The following WDR46 variants were observed in gnomAD, a reference collection of about 807,000 sequenced individuals.
WDR46 encodes the protein WD repeat-containing protein 46.
A neutral mutation model predicts 74.7 loss-of-function variants in WDR46; 58 were observed. The observed-to-expected ratio is 0.78, with a 90% confidence interval of 0.63 to 0.97. The LOEUF (loss-of-function observed/expected upper bound fraction) is 0.97. WDR46 is among the 50% of genes least tolerant of loss of function. The pLI, the probability that WDR46 is intolerant of heterozygous loss-of-function variation, is 0.00. For missense variants in WDR46, 702 were observed against 790.1 expected, an observed-to-expected ratio of 0.89 and a Z score of 1.34; for synonymous variants, 278 against 297.3, an observed-to-expected ratio of 0.93 and a Z score of 0.67.
In WDR46 at chr6:33,288,650, C is replaced by T. The variant is rs1422343983; in HGVS notation, c.324G>A (p.Val108=). 1.2e-6 allele frequency: 2 copies of T among 1,613,142 alleles called. No individual in the cohort carries two copies. The highest frequency in any genetic ancestry group is 1.7e-6 in the Non-Finnish European group (2 of 1,179,682). Residue 108 remains valine (V), a synonymous_variant, in exon 3 of 15, where the codon GTG becomes GTA. Coordinates refer to ENST00000374617, the MANE Select transcript of WDR46 (RefSeq NM_005452.6). ...FPGPAPVPVE[V]VQKFCRIDKS... is the part of the protein sequence containing the mutation. The stretch of plus-strand genomic sequence containing the variant: ...TGTCAATGCGACAGAACTTCTGGAC[C>T]ACTTCCACAGGGACGGGGGCGGGGC...
At position 33,287,970 on chromosome 6, in the gene WDR46, A is replaced by G; in HGVS notation, c.618T>C (p.Thr206=). The G allele has an allele frequency of 1.2e-6, 2 of 1,614,194 alleles. No homozygotes were observed. Among genetic ancestry groups the G allele is most frequent in the Non-Finnish European group, 1.7e-6 (2 of 1,180,036 alleles). Reference sequence around the variant, plus strand: ...TCACTAGAATTCAACCTTACCTTCCAGTTCGAGAGTAGTTTAGTCTGTAGG... The same window carrying G: ...TCACTAGAATTCAACCTTACCTTCCGGTTCGAGAGTAGTTTAGTCTGTAGG... ...FGPYRLNYSR[T]GRHLAFGGRR... The change falls in exon 6 of 15, where the codon ACT becomes ACC. Residue 206 remains threonine, a synonymous_variant. Coordinates refer to ENST00000374617, the MANE Select transcript of WDR46 (RefSeq NM_005452.6).
chr6:33,282,586 TAAGA>T (rs935668332), intron 10 of WDR46, among the ~76,000 whole-genome samples: 10 of 152,100 alleles, frequency 6.6e-5, no homozygotes, highest in African/African-American at 9.7e-5. Flanking sequence ...GAACACCTCT[TAAGA>T]AAGATGGTCA....
At chr6:33,289,050 C>T (rs769604633) in intron 1 of WDR46, 37 bp from the exon 2 acceptor site, 2 of 1,611,046 alleles carry the variant, frequency 1.2e-6, no homozygotes, top group Non-Finnish European at 1.7e-6. Flanking sequence ...TCACGCCCCG[C>T]CCCCCGACCC....
intron 10 of WDR46, among the ~76,000 whole-genome samples, chr6:33,283,150 A>T (rs994952346): frequency 6.6e-6 from 1 of 151,956 alleles, no homozygotes; most frequent in Non-Finnish European, 1.5e-5. Flanking sequence ...TGGAGGTTGC[A>T]GTGAGCCGAG....
chr6:33,288,306 A>G (rs1766884398), intron 4 of WDR46, 52 bp downstream of exon 4: 3 of 1,613,556 alleles, frequency 1.9e-6, no homozygotes, highest in Admixed American at 3.3e-5. Context: ...AAAAACGAGA[A>G]AAGACAGTCC....
Position 33,280,899 on chromosome 6 carries a change from G to A in WDR46, c.1204C>T (p.His402Tyr). The change falls in exon 11 of 15, where the codon CAT becomes TAT. Residue 402 changes from histidine (H) to tyrosine (Y), a missense_variant. Coordinates refer to ENST00000374617, the MANE Select transcript of WDR46 (RefSeq NM_005452.6). ...YQPLSTRTLP[H>Y]GAGHLAFSQR... ...GAGAAGGCCAGGTGCCCTGCTCCAT[G>A]GGGCAGGGTCCGAGTGCTCAGAGGC... is the stretch of plus-strand genomic sequence containing the variant. The A allele has an allele frequency of 1.2e-6, 2 of 1,614,210 alleles. No individual in the cohort carries two copies. The highest frequency in any genetic ancestry group is 1.7e-6 in the Non-Finnish European group (2 of 1,180,048).
At chr6:33,284,215 A>C (rs1766426492) in intron 10 of WDR46, 1 of 152,054 alleles carries the variant, frequency 6.6e-6, no homozygotes, top group Non-Finnish European at 1.5e-5. Context: ...GTGCCACTGC[A>C]CTCCAGCCTG....
intron 10 of WDR46, among the ~76,000 whole-genome samples, chr6:33,285,408 A>T (rs780544646): frequency 4.6e-5 from 7 of 151,672 alleles, no homozygotes; most frequent in African/African-American, 1.5e-4. Context: ...TTGCCATGTC[A>T]TGGGTGACAT....
intron 11 of WDR46, 29 bp downstream of exon 11, chr6:33,280,645 C>A (rs1405854154): frequency 1.9e-6 from 3 of 1,588,494 alleles, no homozygotes; most frequent in Non-Finnish European, 1.7e-6. Context: ...AGTTCATTCA[C>A]TTCAAGCCCC....
chr6:33,289,161 C>T lies in WDR46; in HGVS notation c.10G>A (p.Ala4Thr). 1.2e-6 allele frequency: 2 copies of T among 1,611,858 alleles called. No individual in the cohort carries two copies. Among genetic ancestry groups the T allele is most frequent in the African/African-American group, 1.3e-5 (1 of 74,860 alleles). MET[A>T]PKPGKDVPPK... ...GGGACATCCTTGCCCGGCTTGGGGG[C>T]TGTCTCCATCTCGCCCACCCGAACG... The change falls in exon 1 of 15, where the codon GCC becomes ACC. Residue 4 changes from alanine to threonine, a missense_variant. Physicochemically the swap from Ala to Thr is moderately conservative, Grantham distance 58. Transcript: ENST00000374617.
At chr6:33,287,586 A>G (rs1262500095) in intron 7 of WDR46, 28 bp downstream of exon 7, 1 of 1,613,436 alleles carries the variant, frequency 6.2e-7, no homozygotes, top group Non-Finnish European at 8.5e-7. Context: ...TCTCACCCCA[A>G]CTGACCGCTG....
chr6:33,286,674 G>A, intron 10 of WDR46, 121 bp downstream of exon 10: 1 of 914,144 alleles, frequency 1.1e-6, no homozygotes. Context: ...CCCATCCGTG[G>A]TAACACTGCG....
At chr6:33,281,841 CTTTT>C in intron 10 of WDR46, among the ~76,000 whole-genome samples, 1 of 68,680 alleles carries the variant, frequency 1.5e-5, no homozygotes, top group Non-Finnish European at 3.5e-5. Context: ...GTTGGAGTTC[CTTTT>C]CTTTTTTTGA....
At chr6:33,282,784 A>G (rs1415150297) in intron 10 of WDR46, among the ~76,000 whole-genome samples, 1 of 152,252 alleles carries the variant, frequency 6.6e-6, no homozygotes, top group East Asian at 1.9e-4. Context: ...TAGCCCACGG[A>G]GGGCAAGCTA....
At chr6:33,287,555 C>G in intron 7 of WDR46, 50 bp from the exon 8 acceptor site, 1 of 1,613,798 alleles carries the variant, frequency 6.2e-7, no homozygotes, top group Non-Finnish European at 8.5e-7. Context: ...CACAGGCTAT[C>G]ATTCAATCAG....
Position 33,279,479 on chromosome 6 carries a change from A to G in WDR46, c.1734+18T>C, listed in dbSNP as rs369542187. 6.2e-7 allele frequency: 1 copy of G among 1,611,664 alleles called. No homozygotes were observed. The highest frequency in any genetic ancestry group is 2.2e-5 in the East Asian group (1 of 44,876). On this transcript the variant is annotated intron_variant, in intron 14 of 14. Coordinates refer to ENST00000374617, the MANE Select transcript of WDR46 (RefSeq NM_005452.6). ...GTGCAGCCTGTGGAAGGCCCGGCCC[A>G]TGCCAATGCTCATTTACCCTGTGTT... is the stretch of plus-strand genomic sequence containing the variant.
chr6:33,285,107 T>G (rs1342580035), intron 10 of WDR46, among the ~76,000 whole-genome samples: 1 of 152,246 alleles, frequency 6.6e-6, no homozygotes, highest in African/African-American at 2.4e-5. Context: ...TCTGGAACAC[T>G]AACTTTGTAC....
intron 10 of WDR46, among the ~76,000 whole-genome samples, chr6:33,285,648 C>G (rs956476867): frequency 6.3e-4 from 96 of 151,630 alleles, no homozygotes; most frequent in African/African-American, 2.0e-3. Flanking sequence ...CTCAGCCTCC[C>G]AAGTTGCCGG....
chr6:33,287,829 G>C (rs1766812928), intron 6 of WDR46, 111 bp from the exon 7 acceptor site: 6 of 1,498,600 alleles, frequency 4.0e-6, no homozygotes, highest in Non-Finnish European at 4.6e-6. Context: ...GACACATGTT[G>C]CTGTAGGTGC....
Sources: gnomAD v4.1 joint callset for allele counts (sites outside exome capture counted in the v4.1 genomes callset) on GRCh38, gnomAD v4.1.1 for gene constraint, MANE v1.5 for transcripts, NCBI Gene and HGNC (gene_info 2026-07-23, HGNC 2026-07-21) for gene names.